The following APPL1 variants were observed in gnomAD, a reference collection of about 807,000 sequenced individuals.
APPL1 encodes adaptor protein, phosphotyrosine interacting with PH domain and leucine zipper 1.
In APPL1, 42 loss-of-function variants were observed where a neutral mutation model predicts 106.8. The observed-to-expected ratio is 0.39, with a 90% CI of 0.31 to 0.51. The LOEUF (loss-of-function observed/expected upper bound fraction) is 0.51. APPL1 is among the 20% of genes least tolerant of loss of function. The pLI, the probability that APPL1 is intolerant of heterozygous loss-of-function variation, is 0.75. For synonymous variants in APPL1, 263 were observed against 281.8 expected (o/e 0.93, Z 0.67); for missense variants, 769 against 858.2 (o/e 0.90, Z 1.30).
At chr3:57,254,062 C>T (rs943973736) in intron 13 of APPL1, among the ~76,000 whole-genome samples, 7 of 152,116 alleles carry the variant, frequency 4.6e-5, no homozygotes, top group African/African-American at 1.7e-4. Context: ...AGGATTTGGC[C>T]ATGTTGGCCA....
rs778869246 is a variant in APPL1, at chr3:57,259,866, T to C, written c.1505T>C (p.Phe502Ser). 17 of 1,603,964 alleles carry C rather than the reference T, an allele frequency of 1.1e-5. No homozygotes were observed. In the South Asian group the frequency reaches 1.7e-4, roughly 16 times the overall value. ...ETEDSILHQL[F>S]IVRFLGSMEV... ...ATAGATTCTATTCTTCATCAGTTAT[T>C]TATTGTCCGATTCCTTGGTTCAATG... The change falls in exon 17 of 22, where the codon TTT (phenylalanine) becomes TCT (serine). Residue 502 changes from phenylalanine to serine, a missense_variant. Phe to Ser is a radical substitution (Grantham distance 155). Transcript: ENST00000288266.
At chr3:57,256,198 G>A (rs1182255197) in intron 13 of APPL1, among the ~76,000 whole-genome samples, 1 of 152,006 alleles carries the variant, frequency 6.6e-6, no homozygotes, top group Non-Finnish European at 1.5e-5. Flanking sequence ...AATAGAGAAC[G>A]TATCTCCCAA....
intron 18 of APPL1, 50 bp downstream of exon 18, chr3:57,260,203 C>T: frequency 1.3e-6 from 2 of 1,521,832 alleles, no homozygotes; most frequent in Non-Finnish European, 1.8e-6. Context: ...TGTATATATA[C>T]ACATCTTACA....
Position 57,260,752 on chromosome 3 carries a change from A to C in APPL1, c.1820A>C (p.Glu607Ala). The change falls in exon 19 of 22, where the codon GAG (glutamate) becomes GCG (alanine). Residue 607 changes from glutamate to alanine, a missense_variant. Glu to Ala is a moderately radical substitution (Grantham distance 107, BLOSUM62 -1). Coordinates refer to ENST00000288266, the MANE Select transcript of APPL1 (RefSeq NM_012096.3). ...CTGTCATCAGTCTGCTATATATTTG[A>C]GTCAAACAATGAGGGGGAAAAGGTA... is the stretch of plus-strand genomic sequence containing the variant. ...SNLSSVCYIF[E>A]SNNEGEKICD... The C allele has an allele frequency of 6.2e-7, 1 of 1,609,070 alleles. No individual in the cohort carries two copies. Among genetic ancestry groups the C allele is most frequent in the Non-Finnish European group, 8.5e-7 (1 of 1,176,958 alleles).
Position 57,228,034 on chromosome 3 carries a change from A to ACCTG in APPL1, c.54+97_54+98insCCTG. On this transcript the variant is annotated intron_variant, in intron 1 of 21. Transcript: ENST00000288266. This position sits in a 1 kb window ranked among gnomAD's most constrained non-coding sequence, Gnocchi z 4.6. ...CTCCCGCAGGTGCCCGCCCCGGCCC[A>ACCTG]GGTGGGGGCCGCCGCCGCCCTAGGT... is the stretch of plus-strand genomic sequence containing the variant. The ACCTG allele has an allele frequency of 9.2e-7, 1 of 1,082,666 alleles. No individual in the cohort carries two copies. The highest frequency in any genetic ancestry group is 1.2e-6 in the Non-Finnish European group (1 of 838,692). The allele number at this position is 1,082,666 out of a possible 1,614,324, so 67.1% of individuals were successfully genotyped here.
At chr3:57,260,536 A>T in intron 18 of APPL1, 92 bp from the exon 19 acceptor site, 1 of 1,184,138 alleles carries the variant, frequency 8.4e-7, no homozygotes. Context: ...TAAAATATTT[A>T]TATTTTTAGA....
At chr3:57,235,529 A>G in intron 1 of APPL1, 37 bp from the exon 2 acceptor site, 1 of 1,334,206 alleles carries the variant, frequency 7.5e-7, no homozygotes, top group Non-Finnish European at 1.1e-6. Context: ...GATTTGTATA[A>G]TGATTAACAT....
chr3:57,236,154 C>G (rs2060715283), intron 2 of APPL1, among the ~76,000 whole-genome samples: 1 of 150,936 alleles, frequency 6.6e-6, no homozygotes, highest in African/African-American at 2.4e-5. Context: ...AAGTGAGTCT[C>G]CTGCCTCAGC....
At chr3:57,232,938 C>T (rs560265517) in intron 1 of APPL1, among the ~76,000 whole-genome samples, 59 of 151,950 alleles carry the variant, frequency 3.9e-4, no homozygotes, top group African/African-American at 1.4e-3. Flanking sequence ...GGAGGCGGAG[C>T]GTGCAGTGAG....
At chr3:57,256,131 C>T (rs537276006) in intron 13 of APPL1, among the ~76,000 whole-genome samples, 6 of 152,204 alleles carry the variant, frequency 3.9e-5, no homozygotes, top group East Asian at 1.9e-4. Flanking sequence ...ATTGTTTGAG[C>T]CTAGGAGATC....
intron 10 of APPL1, 77 bp downstream of exon 10, chr3:57,248,428 G>T: frequency 6.8e-7 from 1 of 1,462,232 alleles, no homozygotes; most frequent in Non-Finnish European, 9.2e-7. Flanking sequence ...AATAATTGAT[G>T]TCTGTCATAT....
At chr3:57,252,058 A>C (rs960537729) in intron 11 of APPL1, among the ~76,000 whole-genome samples, 2 of 152,114 alleles carry the variant, frequency 1.3e-5, no homozygotes, top group Non-Finnish European at 2.9e-5. Context: ...ACATCTTGGC[A>C]TAGATAGTCA....
At chr3:57,242,075 CTTAAA>C (rs752795816) in intron 5 of APPL1, 21 bp from the exon 6 acceptor site, 19 of 1,535,652 alleles carry the variant, frequency 1.2e-5, no homozygotes, top group Admixed American at 1.8e-5. Flanking sequence ...ATGTGCCAAA[CTTAAA>C]TTATTCTTGA....
intron 4 of APPL1, 99 bp from the exon 5 acceptor site, chr3:57,240,365 AT>A (rs2060739098): frequency 1.1e-6 from 1 of 896,556 alleles, no homozygotes; most frequent in East Asian, 2.6e-5. Context: ...CCTATATAAA[AT>A]ATATCAGAAC....
At chr3:57,246,950 G>T (rs2060777025) in intron 8 of APPL1, among the ~76,000 whole-genome samples, 2 of 146,398 alleles carry the variant, frequency 1.4e-5, no homozygotes, top group African/African-American at 5.0e-5. Flanking sequence ...CTGCAGTGAG[G>T]TTTTATTGTG....
chr3:57,268,198 A>C, intron 20 of APPL1, 200 bp from the exon 21 acceptor site: 1 of 530,466 alleles, frequency 1.9e-6, no homozygotes, highest in Non-Finnish European at 3.2e-6. Flanking sequence ...TTTGCTAAGC[A>C]AGGTTAACAG....
At position 57,235,593 on chromosome 3, in the gene APPL1, G is replaced by T. The variant is rs1221003102; in HGVS notation, c.82G>T (p.Glu28Ter). Residue 28 changes from glutamate (E) to a stop codon, truncating the protein, a stop_gained, in exon 2 of 22, where the codon GAA (glutamate) becomes TAA (stop). Transcript: ENST00000288266. LOFTEE classifies it high-confidence loss of function. Reference protein sequence around the residue: ...QTRSLLGVFEEDATAISNYMN... With the variant: ...QTRSLLGVFE ...AAGGTCTTTACTAGGTGTATTTGAA[G>T]AAGATGCCACAGCTATTTCCAACTA... The T allele has an allele frequency of 6.2e-7, 1 of 1,612,606 alleles. No homozygotes were observed. The highest frequency in any genetic ancestry group is 1.1e-5 in the South Asian group (1 of 90,900).
chr3:57,229,475 G>T (rs974200726), intron 1 of APPL1, among the ~76,000 whole-genome samples: 50 of 145,824 alleles, frequency 3.4e-4, no homozygotes, highest in Admixed American at 1.4e-3. Context: ...AAGAATTGTG[G>T]TTTTTTTTTT....
At chr3:57,253,810 AT>A in intron 13 of APPL1, 72 bp downstream of exon 13, 1 of 1,240,868 alleles carries the variant, frequency 8.1e-7, no homozygotes, top group East Asian at 3.4e-5. Flanking sequence ...GTTTTTATTA[AT>A]TCATAATTTC....
Sources: allele counts gnomAD v4.1 joint callset (sites outside exome capture counted in the v4.1 genomes callset), GRCh38; gene constraint gnomAD v4.1.1; non-coding constraint Gnocchi (gnomAD v3.1); transcripts MANE v1.5; gene names NCBI Gene and HGNC (gene_info 2026-07-23, HGNC 2026-07-21).